The following VWC2L variants were observed in gnomAD, a reference collection of about 807,000 sequenced individuals.
VWC2L encodes von Willebrand factor C domain containing 2 like.
Under a neutral mutation model 21.6 loss-of-function variants are expected in VWC2L, and 10 were observed. The observed-to-expected ratio is 0.46, with a 90% CI of 0.29 to 0.78. The LOEUF (loss-of-function observed/expected upper bound fraction) is 0.78, where lower values mean the gene tolerates loss of function less well. VWC2L is among the 30% of genes least tolerant of loss of function. VWC2L has a pLI of 0.10. For synonymous variants in VWC2L, 96 were observed against 94.3 expected, an observed-to-expected ratio of 1.02 and a Z score of -0.10; for missense variants, 209 against 277.1, an observed-to-expected ratio of 0.75 and a Z score of 1.74.
At chr2:214,564,809 A>G (rs937616879) in intron 3 of VWC2L, among the ~76,000 whole-genome samples, 4 of 152,168 alleles carry the variant, frequency 2.6e-5, no homozygotes, top group African/African-American at 9.7e-5. Context: ...ATATGTCATG[A>G]TGCCCTATTT....
At chr2:214,544,248 G>A (rs191039397) in intron 3 of VWC2L, among the ~76,000 whole-genome samples, 32 of 152,280 alleles carry the variant, frequency 2.1e-4, no homozygotes, top group African/African-American at 4.8e-4. Flanking sequence ...GCATTTATCT[G>A]TACAGGTATA....
intron 3 of VWC2L, among the ~76,000 whole-genome samples, chr2:214,444,392 T>C (rs895943939): frequency 2.0e-5 from 3 of 151,936 alleles, no homozygotes; most frequent in Admixed American, 6.6e-5. Context: ...TTTGGGGGGA[T>C]ACATATTTTA....
At chr2:214,504,022 A>G (rs1186068999) in intron 3 of VWC2L, among the ~76,000 whole-genome samples, 1 of 152,234 alleles carries the variant, frequency 6.6e-6, no homozygotes, top group East Asian at 1.9e-4. Context: ...AACAAGATGT[A>G]TCAGGCTAGT....
intron 3 of VWC2L, among the ~76,000 whole-genome samples, chr2:214,520,140 G>GA (rs1263184550): frequency 3.3e-5 from 5 of 151,198 alleles, no homozygotes; most frequent in Admixed American, 2.0e-4. Flanking sequence ...AAATTTGAGG[G>GA]AAAAAAATGA....
chr2:214,563,546 CAAAAAAAA>C (rs55864016), intron 3 of VWC2L, among the ~76,000 whole-genome samples: 64 of 95,832 alleles, frequency 6.7e-4, no homozygotes, highest in African/African-American at 1.6e-3. Flanking sequence ...GACTCCGTCT[CAAAAAAAA>C]AAAAAAAAAA....
At chr2:214,567,597 G>C (rs192001592) in intron 3 of VWC2L, among the ~76,000 whole-genome samples, 86 of 124,616 alleles carry the variant, frequency 6.9e-4, no homozygotes, top group African/African-American at 2.0e-3. Flanking sequence ...CACACACACA[G>C]AGAGAGAGAG....
chr2:214,424,087 T>C (rs565067520), intron 2 of VWC2L, among the ~76,000 whole-genome samples: 2 of 152,142 alleles, frequency 1.3e-5, no homozygotes, highest in Non-Finnish European at 2.9e-5. Context: ...AAAATTCAGA[T>C]TCCTTGACCT....
At chr2:214,552,379 T>A (rs919105833) in intron 3 of VWC2L, among the ~76,000 whole-genome samples, 1 of 152,178 alleles carries the variant, frequency 6.6e-6, no homozygotes. Context: ...GTAATCAACA[T>A]GCTTTTTTTT....
At position 214,452,212 on chromosome 2, in the gene VWC2L, G is replaced by C. The variant is rs1272135800; in HGVS notation, c.520+15454G>C. On this transcript the variant is annotated intron_variant, in intron 3 of 3. Transcript: ENST00000312504. ...GCTGTGTCACCCAGACTGGAGTGCA[G>C]TGGCACAATCACAGCTCACTGCAGC... Among the ~76,000 whole-genome samples the C allele has an allele frequency of 1.3e-5, 2 of 152,126 alleles. 1 individual carries two copies. Among genetic ancestry groups the C allele is most frequent in the Non-Finnish European group, 2.9e-5 (2 of 68,024 alleles).
intron 3 of VWC2L, among the ~76,000 whole-genome samples, chr2:214,444,159 T>C (rs1702803582): frequency 6.6e-6 from 1 of 152,096 alleles, no homozygotes; most frequent in African/African-American, 2.4e-5. Flanking sequence ...TGGTATGCAA[T>C]GAAGTTGTAC....
At chr2:214,468,904 C>T (rs1038358953) in intron 3 of VWC2L, among the ~76,000 whole-genome samples, 10 of 152,098 alleles carry the variant, frequency 6.6e-5, no homozygotes, top group African/African-American at 1.9e-4. Context: ...TAAAAATTAA[C>T]GTTACCAATT....
Position 214,465,050 on chromosome 2 carries a change from C to T in VWC2L, c.520+28292C>T, listed in dbSNP as rs148330466. Among the ~76,000 whole-genome samples, 280 of 152,190 alleles carry T rather than the reference C, an allele frequency of 1.8e-3. 1 individual carries two copies. Among genetic ancestry groups the T allele is most frequent in the African/African-American group, 6.5e-3 (270 of 41,522 alleles). Reference sequence around the variant, plus strand: ...TTCAAGGCAATGGGCTCCCCGCTGTCCCAGGACGAATACCAAAAAAGCTGT... The same window carrying T: ...TTCAAGGCAATGGGCTCCCCGCTGTTCCAGGACGAATACCAAAAAAGCTGT... On this transcript the variant is annotated intron_variant, in intron 3 of 3. Coordinates refer to ENST00000312504, the MANE Select transcript of VWC2L (RefSeq NM_001080500.4).
chr2:214,473,185 C>T (rs1161476220), intron 3 of VWC2L, among the ~76,000 whole-genome samples: 1 of 152,158 alleles, frequency 6.6e-6, no homozygotes, highest in Non-Finnish European at 1.5e-5. Flanking sequence ...GAGTACATTT[C>T]AATCACATCC....
At chr2:214,513,833 G>A (rs149282978) in intron 3 of VWC2L, among the ~76,000 whole-genome samples, 4 of 151,962 alleles carry the variant, frequency 2.6e-5, no homozygotes, top group South Asian at 2.1e-4. Context: ...CAAATCTTCC[G>A]GAAAGCTCTA....
rs185305782 is a variant in VWC2L, at chr2:214,550,968, C to A, written c.521-24704C>A. Among the ~76,000 whole-genome samples the A allele has an allele frequency of 1.5e-4, 23 of 152,300 alleles. No individual in the cohort carries two copies. In the South Asian group the frequency reaches 2.3e-3, roughly 15 times the overall value. On this transcript the variant is annotated intron_variant, in intron 3 of 3. Transcript: ENST00000312504. ...TTCAGCACTCCATCTTTCTGGGCCT[C>A]TAGTTCCATTTATGAACCCTATGAC...
chr2:214,460,382 G>T (rs1297071845), intron 3 of VWC2L, among the ~76,000 whole-genome samples: 1 of 152,110 alleles, frequency 6.6e-6, no homozygotes, highest in Non-Finnish European at 1.5e-5. Flanking sequence ...TCACGTTCTA[G>T]AACACCCAAA....
At chr2:214,414,837 A>G (rs1425804644) in intron 2 of VWC2L, 1 of 451,324 alleles carries the variant, frequency 2.2e-6, no homozygotes, top group Non-Finnish European at 3.9e-6. Flanking sequence ...AACACCTTTT[A>G]TTTTTGCCCT....
chr2:214,574,796 A>C lies in VWC2L; in HGVS notation c.521-876A>C, dbSNP rs1186577126. ...TGAATTTGGGAACTATAGTAATAAC[A>C]ACTAACACTGAACACTGATATTCCT... On this transcript the variant is annotated intron_variant, in intron 3 of 3. Coordinates refer to ENST00000312504, the MANE Select transcript of VWC2L (RefSeq NM_001080500.4). Among the ~76,000 whole-genome samples, 4 of 152,146 alleles carry C rather than the reference A, an allele frequency of 2.6e-5. No individual in the cohort carries two copies. In the East Asian group the frequency reaches 7.7e-4, roughly 29 times the overall value.
intron 3 of VWC2L, among the ~76,000 whole-genome samples, chr2:214,525,777 C>T (rs1279151738): frequency 6.6e-6 from 1 of 152,174 alleles, no homozygotes; most frequent in Non-Finnish European, 1.5e-5. Context: ...AAACAAATAA[C>T]TGTCCACTTG....
Sources: gnomAD v4.1 joint callset for allele counts (sites outside exome capture counted in the v4.1 genomes callset) on GRCh38, gnomAD v4.1.1 for gene constraint, MANE v1.5 for transcripts, NCBI Gene and HGNC (gene_info 2026-07-23, HGNC 2026-07-21) for gene names.